Variants in PLCH1 observed in about 807,000 individuals in gnomAD.
PLCH1 encodes the protein 1-phosphatidylinositol 4,5-bisphosphate phosphodiesterase eta-1.
Under a neutral mutation model 126.7 loss-of-function variants are expected in PLCH1, and 60 were observed. That is an observed-to-expected ratio of 0.47 (90% CI 0.38 to 0.59). The LOEUF is 0.59. Ranked by LOEUF, PLCH1 falls within the 20% of genes least tolerant of loss-of-function variation. The probability of loss-of-function intolerance (pLI) is 0.00; values close to 1 mark genes in which losing one functional copy is unlikely to be tolerated. For missense variants in PLCH1, 1,723 were observed against 2,040.0 expected (o/e 0.84, Z 2.99); for synonymous variants, 719 against 734.9 (o/e 0.98, Z 0.35).
intron 10 of PLCH1, among the ~76,000 whole-genome samples, chr3:155,537,207 A>AC (rs1723522946): frequency 1.7e-4 from 1 of 5,890 alleles, no homozygotes; most frequent in East Asian, 1.2e-3. Context: ...AAAACCAAAA[A>AC]AAAAAAAAAA....
intron 12 of PLCH1, among the ~76,000 whole-genome samples, chr3:155,512,315 T>A (rs974390114): frequency 1.3e-5 from 2 of 152,170 alleles, no homozygotes; most frequent in East Asian, 3.9e-4. Context: ...TAAGACATTG[T>A]CCTAGGAACT....
Position 155,481,293 on chromosome 3 carries a change from A to G in PLCH1, c.4733T>C (p.Val1578Ala), listed in dbSNP as rs543554708. Residue 1578 changes from valine (V) to alanine (A), a missense_variant, in exon 23 of 23, where the codon GTG becomes GCG. Val to Ala is a moderately conservative substitution (Grantham distance 64). Coordinates refer to ENST00000460012, the MANE Select transcript of PLCH1 (RefSeq NM_014996.4). The surrounding 1 kb of genome is among the most constrained non-coding windows in gnomAD (Gnocchi z 4.2). ...CTTGGCACGACTAGCAATATTGCGC[A>G]CTCTGCTCTGACTTCTGGATGACAA... ...RKLSSRSQSR[V>A]RNIASRAKEK... 31 of 1,613,870 alleles carry G rather than the reference A, an allele frequency of 1.9e-5. No individual in the cohort carries two copies. The highest frequency in any genetic ancestry group is 2.7e-5 in the African/African-American group (2 of 74,834).
intron 1 of PLCH1, among the ~76,000 whole-genome samples, chr3:155,728,602 A>G (rs745962255): frequency 6.6e-6 from 1 of 152,162 alleles, no homozygotes; most frequent in Non-Finnish European, 1.5e-5. Context: ...TTGCTTCCTA[A>G]CAAATCATGA....
chr3:155,537,409 T>G (rs900600410), intron 10 of PLCH1, among the ~76,000 whole-genome samples: 1 of 151,692 alleles, frequency 6.6e-6, no homozygotes, highest in African/African-American at 2.4e-5. Context: ...AAAACAAATT[T>G]TGAATGTAGA....
intron 2 of PLCH1, among the ~76,000 whole-genome samples, chr3:155,603,718 T>G (rs549004836): frequency 6.6e-6 from 1 of 152,342 alleles, no homozygotes; most frequent in East Asian, 1.9e-4. Flanking sequence ...CTGAAAGCTT[T>G]TTAGAATAAT....
intron 6 of PLCH1, 141 bp from the exon 7 acceptor site, chr3:155,568,465 C>G (rs1356135191): frequency 1.8e-5 from 8 of 446,796 alleles, no homozygotes; most frequent in Admixed American, 1.3e-4. Context: ...ATTAGTGTCA[C>G]AGCTATTTTA....
intron 2 of PLCH1, among the ~76,000 whole-genome samples, 200 bp from the exon 3 acceptor site, chr3:155,596,578 G>GA (rs34847648): frequency 0.024 from 3,236 of 135,672 alleles, 126 homozygotes; most frequent in African/African-American, 0.083. Flanking sequence ...CTTACTAACA[G>GA]AAAAAAAAAA....
chr3:155,581,995 G>A (rs1361074211), intron 6 of PLCH1, among the ~76,000 whole-genome samples: 1 of 149,720 alleles, frequency 6.7e-6, no homozygotes, highest in Non-Finnish European at 1.5e-5. Context: ...TGATCTGCCC[G>A]CCTCAGTCTC....
rs574879274 is a variant in PLCH1, at chr3:155,456,468, G to A, written c.2938+28888C>T. On this transcript the variant is annotated intron_variant, in intron 21 of 21. Transcript: ENST00000494598. Reference sequence around the variant, plus strand: ...GACAAGTTTGATCTAAAACAAAGGTGCCCAAATCCTCTTTTCTGCTCTATT... The same window carrying A: ...GACAAGTTTGATCTAAAACAAAGGTACCCAAATCCTCTTTTCTGCTCTATT... Among the ~76,000 whole-genome samples the A allele has an allele frequency of 3.3e-5, 5 of 152,264 alleles. No homozygotes were observed. The South Asian group carries it at 1.0e-3, about 32-fold the overall frequency.
chr3:155,678,648 C>T (rs2109008595), intron 2 of PLCH1, among the ~76,000 whole-genome samples: 1 of 152,282 alleles, frequency 6.6e-6, no homozygotes, highest in East Asian at 1.9e-4. Context: ...TGTACGATGT[C>T]AAAACTAGGC....
chr3:155,522,313 A>G (rs1721207343), intron 11 of PLCH1, among the ~76,000 whole-genome samples: 1 of 152,242 alleles, frequency 6.6e-6, no homozygotes, highest in African/African-American at 2.4e-5. Context: ...TATTTAAAAT[A>G]TTAACTGTAT....
intron 10 of PLCH1, among the ~76,000 whole-genome samples, chr3:155,544,767 C>A (rs1475103891): frequency 4.4e-4 from 66 of 151,522 alleles, no homozygotes; most frequent in Admixed American, 7.9e-4. Flanking sequence ...GGAAACTGAA[C>A]AACCTGCTCC....
chr3:155,719,797 A>G (rs1378845047), intron 1 of PLCH1, among the ~76,000 whole-genome samples: 2 of 151,222 alleles, frequency 1.3e-5, no homozygotes, highest in African/African-American at 2.4e-5. Flanking sequence ...AATATACTAC[A>G]TTGTCTTCTT....
At chr3:155,559,932 A>G (rs1401586172) in intron 8 of PLCH1, among the ~76,000 whole-genome samples, 3 of 152,210 alleles carry the variant, frequency 2.0e-5, no homozygotes, top group Non-Finnish European at 4.4e-5. Context: ...ATCATGAATT[A>G]TCTTAATCAG....
intron 2 of PLCH1, among the ~76,000 whole-genome samples, chr3:155,643,893 CTTCT>C (rs1021029519): frequency 1.3e-5 from 2 of 152,222 alleles, no homozygotes; most frequent in African/African-American, 4.8e-5. Flanking sequence ...TTTTTCTTCT[CTTCT>C]TTCTTTCTTA....
chr3:155,617,114 A>G (rs1447274320), intron 2 of PLCH1, among the ~76,000 whole-genome samples: 1 of 152,124 alleles, frequency 6.6e-6, no homozygotes, highest in Non-Finnish European at 1.5e-5. Flanking sequence ...ATTATCAGTA[A>G]TAATTATTAT....
At chr3:155,559,768 C>A (rs1727336697) in intron 8 of PLCH1, among the ~76,000 whole-genome samples, 1 of 152,106 alleles carries the variant, frequency 6.6e-6, no homozygotes, top group Admixed American at 6.6e-5. Flanking sequence ...CAAGTAGCTT[C>A]TTTATATTAC....
At position 155,480,737 on chromosome 3, in the gene PLCH1, A is replaced by G. The variant is rs1576777511; in HGVS notation, c.*231T>C. 2.0e-6 allele frequency: 1 copy of G among 496,424 alleles called. No individual in the cohort carries two copies. Among genetic ancestry groups the G allele is most frequent in the East Asian group, 3.3e-5 (1 of 29,938 alleles). 30.8% of individuals were successfully genotyped at this position (496,424 alleles called of 1,614,324 possible). ...TAGGGCATGCACATATTTCATACTG[A>G]TACAGTTTACAACAACTCAAGGGAG... On this transcript the variant is annotated 3_prime_UTR_variant, in exon 23 of 23. Transcript: ENST00000460012.
Position 155,538,201 on chromosome 3 carries a change from C to T in PLCH1, c.1362+11586G>A, listed in dbSNP as rs577654430. Reference sequence around the variant, plus strand: ...AAACTTAAAAATTCCTTGAACTGAACGATAATAGTGACACAACCTTTCAAA... The same window carrying T: ...AAACTTAAAAATTCCTTGAACTGAATGATAATAGTGACACAACCTTTCAAA... On this transcript the variant is annotated intron_variant, in intron 10 of 22. Coordinates refer to ENST00000460012, the MANE Select transcript of PLCH1 (RefSeq NM_014996.4). 1.5e-4 allele frequency among the ~76,000 whole-genome samples: 23 copies of T among 152,092 alleles called. No individual in the cohort carries two copies. The South Asian group carries it at 1.7e-3, about 11-fold the overall frequency.
Sources: allele counts gnomAD v4.1 joint callset (sites outside exome capture counted in the v4.1 genomes callset), GRCh38; gene constraint gnomAD v4.1.1; non-coding constraint Gnocchi (gnomAD v3.1); transcripts MANE v1.5; gene names NCBI Gene and HGNC (gene_info 2026-07-23, HGNC 2026-07-21).